Variants in DYM observed in about 807,000 individuals in gnomAD.
DYM encodes the protein dyggve-Melchior-Clausen syndrome protein.
DYM carries 78 observed loss-of-function variants against 93.1 expected under a neutral mutation model. The observed-to-expected ratio is 0.84, with a 90% CI of 0.70 to 1.01. The LOEUF is 1.01. Ranked by LOEUF, DYM falls within the 50% of genes least tolerant of loss-of-function variation. DYM has a pLI of 0.00. For synonymous variants in DYM, 321 were observed against 319.7 expected (o/e 1.00, Z -0.04); for missense variants, 789 against 845.0 (o/e 0.93, Z 0.82).
intron 2 of DYM, among the ~76,000 whole-genome samples, chr18:49,401,672 G>A (rs116564078): frequency 8.4e-4 from 127 of 151,862 alleles, no homozygotes; most frequent in African/African-American, 2.9e-3. Context: ...TCTGAAACAC[G>A]GTTAAGAAAC....
At chr18:49,221,807 A>G (rs954914091) in intron 13 of DYM, among the ~76,000 whole-genome samples, 13 of 152,058 alleles carry the variant, frequency 8.5e-5, no homozygotes, top group African/African-American at 2.9e-4. Flanking sequence ...CCTAATGCTA[A>G]ATGACGAGTT....
At chr18:49,089,488 G>A (rs2078853938) in intron 17 of DYM, among the ~76,000 whole-genome samples, 2 of 152,180 alleles carry the variant, frequency 1.3e-5, no homozygotes, top group Non-Finnish European at 2.9e-5. Flanking sequence ...TAGGGAAGTT[G>A]GAGAAAACAG....
At chr18:49,389,339 G>GAT (rs1168073601) in intron 3 of DYM, among the ~76,000 whole-genome samples, 9 of 151,684 alleles carry the variant, frequency 5.9e-5, no homozygotes, top group South Asian at 2.1e-4. Context: ...TGTGGTGGAT[G>GAT]ATATATATAT....
At chr18:49,271,424 A>C (rs1446104402) in intron 11 of DYM, among the ~76,000 whole-genome samples, 1 of 152,176 alleles carries the variant, frequency 6.6e-6, no homozygotes, top group Admixed American at 6.6e-5. Flanking sequence ...CCCAGAGGGA[A>C]CACTTGTGGA....
At chr18:49,243,207 C>T (rs1307582307) in intron 13 of DYM, among the ~76,000 whole-genome samples, 1 of 152,164 alleles carries the variant, frequency 6.6e-6, no homozygotes, top group Non-Finnish European at 1.5e-5. Flanking sequence ...CACAGTAAAA[C>T]ACAGAGCCTG....
intron 14 of DYM, among the ~76,000 whole-genome samples, chr18:49,166,266 T>C (rs982519746): frequency 6.6e-6 from 1 of 152,208 alleles, no homozygotes; most frequent in Non-Finnish European, 1.5e-5. Context: ...AAATATATAC[T>C]ATGCTGTACC....
At chr18:49,266,840 C>A (rs1324416759) in intron 11 of DYM, among the ~76,000 whole-genome samples, 1 of 152,052 alleles carries the variant, frequency 6.6e-6, no homozygotes, top group Admixed American at 6.6e-5. Context: ...TCTAGCATTA[C>A]TCTCCTGTGC....
At chr18:49,139,498 C>T (rs1284155198) in intron 15 of DYM, among the ~76,000 whole-genome samples, 1 of 152,050 alleles carries the variant, frequency 6.6e-6, no homozygotes, top group Non-Finnish European at 1.5e-5. Context: ...TTTAAAACTA[C>T]TGTTTGAGGG....
At chr18:49,327,689 T>C (rs1435466370) in intron 8 of DYM, among the ~76,000 whole-genome samples, 3 of 152,094 alleles carry the variant, frequency 2.0e-5, no homozygotes, top group Non-Finnish European at 4.4e-5. Context: ...TTTTCTGTAA[T>C]AAAATGTTAG....
At chr18:49,100,897 G>A (rs1485959413) in intron 16 of DYM, among the ~76,000 whole-genome samples, 1 of 152,182 alleles carries the variant, frequency 6.6e-6, no homozygotes, top group Non-Finnish European at 1.5e-5. Context: ...CAATTCCTAT[G>A]TAGCAAAATG....
intron 17 of DYM, among the ~76,000 whole-genome samples, chr18:49,048,664 C>A (rs1051677384): frequency 2.0e-5 from 3 of 152,232 alleles, no homozygotes; most frequent in Non-Finnish European, 4.4e-5. Context: ...GGCAAGGCTG[C>A]TACTAAGTTT....
chr18:49,265,088 G>A (rs1157054012), intron 11 of DYM, among the ~76,000 whole-genome samples: 4 of 152,152 alleles, frequency 2.6e-5, no homozygotes, highest in South Asian at 2.1e-4. Context: ...AGTATATACA[G>A]TCCTTTAAAC....
At chr18:49,145,144 A>G (rs1208129616) in intron 15 of DYM, among the ~76,000 whole-genome samples, 1 of 135,274 alleles carries the variant, frequency 7.4e-6, no homozygotes, top group Non-Finnish European at 1.6e-5. Flanking sequence ...TAATTTATAT[A>G]TATAATATAC....
chr18:49,052,129 G>A (rs1350146674), intron 17 of DYM, among the ~76,000 whole-genome samples: 1 of 152,238 alleles, frequency 6.6e-6, no homozygotes, highest in Non-Finnish European at 1.5e-5. Flanking sequence ...GGAAGCACAT[G>A]GTAAGGAGCT....
intron 10 of DYM, among the ~76,000 whole-genome samples, chr18:49,276,644 G>T (rs1300371682): frequency 6.6e-6 from 1 of 152,076 alleles, no homozygotes; most frequent in Non-Finnish European, 1.5e-5. Context: ...AGAATAAAAA[G>T]AACATAATGG....
At chr18:49,235,065 C>T (rs1364648367) in intron 13 of DYM, among the ~76,000 whole-genome samples, 1 of 152,196 alleles carries the variant, frequency 6.6e-6, no homozygotes, top group East Asian at 1.9e-4. Flanking sequence ...ACCCAGCAGG[C>T]CTACAACTTG....
At chr18:49,393,782 A>G (rs902628034) in intron 2 of DYM, 2 of 152,118 alleles carry the variant, frequency 1.3e-5, no homozygotes, top group African/African-American at 2.4e-5. Flanking sequence ...AAAGAAAATA[A>G]TAATAAAAAT....
intron 17 of DYM, among the ~76,000 whole-genome samples, chr18:49,072,327 G>GA (rs1053472947): frequency 2.0e-5 from 3 of 152,014 alleles, no homozygotes; most frequent in Non-Finnish European, 2.9e-5. Flanking sequence ...TTTTGAAGTG[G>GA]AAAAAATCAC....
intron 3 of DYM, among the ~76,000 whole-genome samples, chr18:49,380,574 T>G (rs1477931714): frequency 2.6e-5 from 4 of 152,204 alleles, no homozygotes; most frequent in African/African-American, 9.7e-5. Context: ...GGAAACATCC[T>G]TATCAACTGG....
Sources: allele counts gnomAD v4.1 joint callset (sites outside exome capture counted in the v4.1 genomes callset), GRCh38; gene constraint gnomAD v4.1.1; transcripts MANE v1.5; gene names NCBI Gene and HGNC (gene_info 2026-07-23, HGNC 2026-07-21).